The following KAZN variants were observed in gnomAD, a reference collection of about 807,000 sequenced individuals.
KAZN encodes kazrin.
KAZN carries 40 observed loss-of-function variants against 87.4 expected under a neutral mutation model. That is an observed-to-expected ratio of 0.46 (90% confidence interval 0.36 to 0.60). The LOEUF (loss-of-function observed/expected upper bound fraction) is 0.60, where lower values mean the gene tolerates loss of function less well. KAZN is among the 20% of genes least tolerant of loss of function. The probability of loss-of-function intolerance (pLI) is 0.00; values close to 1 mark genes in which losing one functional copy is unlikely to be tolerated. For synonymous variants in KAZN, 466 were observed against 458.3 expected, an observed-to-expected ratio of 1.02 and a Z score of -0.22; for missense variants, 898 against 1,073.9, an observed-to-expected ratio of 0.84 and a Z score of 2.29.
chr1:14,762,518 A>G (rs7535493), intron 1 of KAZN, among the ~76,000 whole-genome samples: 84,419 of 151,758 alleles, frequency 0.56, 23,860 homozygotes, highest in African/African-American at 0.6. Flanking sequence ...GAGGTCAGGA[A>G]ATCGAGACCA....
chr1:14,827,547 C>T (rs74460649), intron 1 of KAZN, among the ~76,000 whole-genome samples: 13 of 152,278 alleles, frequency 8.5e-5, no homozygotes, highest in African/African-American at 3.1e-4. Flanking sequence ...ATTTGCCTCC[C>T]CCTGCACACT....
At chr1:14,159,163 G>A (rs1475206528) in intron 1 of KAZN, among the ~76,000 whole-genome samples, 3 of 152,156 alleles carry the variant, frequency 2.0e-5, no homozygotes, top group African/African-American at 7.2e-5. Context: ...AGATAGCAAA[G>A]CCAACCAGGC....
chr1:14,403,584 C>T (rs952843198), intron 2 of KAZN, among the ~76,000 whole-genome samples: 1 of 151,990 alleles, frequency 6.6e-6, no homozygotes, highest in African/African-American at 2.4e-5. Context: ...AAAGAACCAA[C>T]AACAAAAGAA....
chr1:15,086,269 C>G (rs1640252183), intron 8 of KAZN, among the ~76,000 whole-genome samples: 1 of 152,156 alleles, frequency 6.6e-6, no homozygotes, highest in African/African-American at 2.4e-5. Context: ...CCATGCCTGG[C>G]TGACAAAGAG....
intron 1 of KAZN, among the ~76,000 whole-genome samples, chr1:14,092,441 T>TAATA (rs974700120): frequency 6.7e-6 from 1 of 149,936 alleles, no homozygotes; most frequent in Non-Finnish European, 1.5e-5. Context: ...TATATAACAG[T>TAATA]AATAAATAAA....
intron 1 of KAZN, among the ~76,000 whole-genome samples, chr1:13,987,573 G>A (rs1570461149): frequency 2.0e-5 from 3 of 152,142 alleles, no homozygotes; most frequent in African/African-American, 7.2e-5. Flanking sequence ...CAGTTCTGGG[G>A]ACTGGGAAGT....
In KAZN at chr1:14,599,297, C is replaced by A; in HGVS notation, c.226+74C>A. On this transcript the variant is annotated intron_variant, in intron 1 of 14. Transcript: ENST00000376030. The surrounding 1 kb of genome is among the most constrained non-coding windows in gnomAD (Gnocchi z 4.4). ...CCGGCCTCGGAGGTGGCCGGGGACCCGGGGTCCCCCACACCCGGGGCGAAA... is the reference window on the plus strand; with the variant it reads ...CCGGCCTCGGAGGTGGCCGGGGACCAGGGGTCCCCCACACCCGGGGCGAAA... The A allele has an allele frequency of 7.9e-7, 1 of 1,267,830 alleles. No homozygotes were observed. The highest frequency in any genetic ancestry group is 3.1e-5 in the South Asian group (1 of 32,552). 78.5% of individuals were successfully genotyped at this position (1,267,830 alleles called of 1,614,324 possible).
chr1:14,474,519 A>G (rs979106931), intron 2 of KAZN, among the ~76,000 whole-genome samples: 5 of 152,230 alleles, frequency 3.3e-5, no homozygotes, highest in Non-Finnish European at 5.9e-5. Context: ...TGAGGAATAA[A>G]CGAACAGTTG....
intron 2 of KAZN, among the ~76,000 whole-genome samples, chr1:14,402,808 CACAG>C (rs1663524626): frequency 6.6e-6 from 1 of 151,994 alleles, no homozygotes; most frequent in African/African-American, 2.4e-5. Context: ...ATAAAAATCT[CACAG>C]ACCCAAATGG....
chr1:14,928,703 G>A (rs1659454165), intron 1 of KAZN, among the ~76,000 whole-genome samples: 2 of 152,148 alleles, frequency 1.3e-5, no homozygotes, highest in Admixed American at 6.5e-5. Flanking sequence ...ATGGTTTTAC[G>A]AAGCTGCCCA....
chr1:14,928,588 C>T (rs1659440782), intron 1 of KAZN, among the ~76,000 whole-genome samples: 1 of 152,174 alleles, frequency 6.6e-6, no homozygotes, highest in Non-Finnish European at 1.5e-5. Flanking sequence ...GCTTATCTTC[C>T]TGCTGTTAGC....
chr1:14,516,074 A>G (rs1225841637), intron 2 of KAZN, among the ~76,000 whole-genome samples: 2 of 152,182 alleles, frequency 1.3e-5, no homozygotes, highest in African/African-American at 4.8e-5. Flanking sequence ...ACCAGGTTCT[A>G]GAAACTGTGT....
chr1:14,885,681 C>T (rs909797906), intron 1 of KAZN, among the ~76,000 whole-genome samples: 2 of 152,046 alleles, frequency 1.3e-5, no homozygotes, highest in South Asian at 2.1e-4. Flanking sequence ...TAAGCAGTAC[C>T]GTGTAAGCAA....
In KAZN at chr1:14,109,918, C is replaced by T. The variant is rs1328836679; in HGVS notation, c.92-70517C>T. Among the ~76,000 whole-genome samples the T allele has an allele frequency of 5.3e-5, 5 of 94,908 alleles. 2 individuals are homozygous for T. Among genetic ancestry groups the T allele is most frequent in the East Asian group, 5.9e-4 (1 of 1,690 alleles). 62.3% of individuals were successfully genotyped at this position (94,908 alleles called of 152,430 possible). A position where few individuals can be genotyped will look rare whatever the true frequency, so the allele number is the denominator to read the frequency against. On this transcript the variant is annotated intron_variant, in intron 1 of 16. Coordinates refer to the KAZN transcript ENST00000636203. Reference sequence around the variant, plus strand: ...TCTAAAAGGATGGAGGCATTTTTTTCCCCTACCATTTCTCTATAGCCTATG... The same window carrying T: ...TCTAAAAGGATGGAGGCATTTTTTTTCCCTACCATTTCTCTATAGCCTATG...
chr1:13,997,389 G>C (rs765586008), intron 1 of KAZN, among the ~76,000 whole-genome samples: 1 of 151,954 alleles, frequency 6.6e-6, no homozygotes, highest in African/African-American at 2.4e-5. Context: ...TGACAGAAAC[G>C]GACTTCAGAA....
intron 1 of KAZN, among the ~76,000 whole-genome samples, chr1:14,941,216 TC>T (rs1471184594): frequency 6.6e-6 from 1 of 152,022 alleles, no homozygotes; most frequent in Non-Finnish European, 1.5e-5. Context: ...ACCACGCCCG[TC>T]TTCATTCACC....
chr1:14,670,528 G>C (rs749475267), intron 1 of KAZN, among the ~76,000 whole-genome samples: 6 of 152,150 alleles, frequency 3.9e-5, no homozygotes, highest in Non-Finnish European at 8.8e-5. Context: ...AGAGTTACCT[G>C]GGGAGCAGGT....
intron 1 of KAZN, among the ~76,000 whole-genome samples, chr1:14,700,685 G>A (rs1321224975): frequency 3.3e-5 from 5 of 152,010 alleles, no homozygotes; most frequent in South Asian, 2.1e-4. Context: ...TGCCTCTCTC[G>A]TGTCTAAAAA....
chr1:14,714,961 AT>A (rs909847063), intron 1 of KAZN, among the ~76,000 whole-genome samples: 30 of 146,872 alleles, frequency 2.0e-4, no homozygotes, highest in Admixed American at 8.8e-4. Flanking sequence ...TGCCCAACTA[AT>A]TTTTTTTTTC....
Sources: gnomAD v4.1 joint callset for allele counts (sites outside exome capture counted in the v4.1 genomes callset) on GRCh38, gnomAD v4.1.1 for gene constraint, Gnocchi (gnomAD v3.1) non-coding constraint, MANE v1.5 for transcripts, NCBI Gene and HGNC (gene_info 2026-07-23, HGNC 2026-07-21) for gene names.